Variants in CEP112 observed in about 807,000 individuals in gnomAD.
CEP112 encodes the protein centrosomal protein 112, also known as centrosomal protein of 112 kDa.
A neutral mutation model predicts 153.0 loss-of-function variants in CEP112; 127 were observed. The observed-to-expected ratio is 0.83, with a 90% confidence interval of 0.72 to 0.96. The LOEUF is 0.96. CEP112 is among the 40% of genes least tolerant of loss of function. CEP112 has a pLI of 0.00. For missense variants in CEP112, 1,089 were observed against 1,101.2 expected, an observed-to-expected ratio of 0.99 and a Z score of 0.16; for synonymous variants, 358 against 374.4, an observed-to-expected ratio of 0.96 and a Z score of 0.51.
chr17:65,759,528 T>C (rs973531020), intron 21 of CEP112, among the ~76,000 whole-genome samples: 12 of 152,152 alleles, frequency 7.9e-5, no homozygotes, highest in Non-Finnish European at 1.6e-4. Context: ...TTACAAAACA[T>C]TCAAACTTGA....
At chr17:66,095,117 T>C (rs1014558969) in intron 8 of CEP112, among the ~76,000 whole-genome samples, 7 of 152,092 alleles carry the variant, frequency 4.6e-5, no homozygotes, top group Non-Finnish European at 7.4e-5. Flanking sequence ...AAAATAGAAC[T>C]ACTACATGAT....
At chr17:66,128,420 C>T (rs1313544181) in intron 6 of CEP112, among the ~76,000 whole-genome samples, 1 of 151,936 alleles carries the variant, frequency 6.6e-6, no homozygotes, top group Non-Finnish European at 1.5e-5. Context: ...CATAATCCCA[C>T]CAAGTCAATT....
At chr17:66,128,950 T>C (rs987938753) in intron 6 of CEP112, among the ~76,000 whole-genome samples, 8 of 152,306 alleles carry the variant, frequency 5.3e-5, no homozygotes, top group South Asian at 4.1e-4. Flanking sequence ...CAGGTCTCTG[T>C]TGATTTTTAT....
chr17:66,092,883 A>G (rs1481389417), intron 8 of CEP112, among the ~76,000 whole-genome samples: 1 of 152,246 alleles, frequency 6.6e-6, no homozygotes, highest in Non-Finnish European at 1.5e-5. Context: ...AATAAAGGCC[A>G]TACATGAAAA....
chr17:66,069,865 A>G (rs2067247788), intron 9 of CEP112, 50 bp downstream of exon 9: 1 of 1,034,516 alleles, frequency 9.7e-7, no homozygotes, highest in East Asian at 2.5e-5. Flanking sequence ...CATAAAACCT[A>G]GAATATTTTT....
intron 12 of CEP112, chr17:66,043,057 G>C: frequency 1.0e-6 from 1 of 974,496 alleles, no homozygotes; most frequent in Non-Finnish European, 1.2e-6. Flanking sequence ...AGATGTCTAA[G>C]GCTTTTGGCA....
chr17:65,696,316 C>T (rs2144513955), intron 23 of CEP112, among the ~76,000 whole-genome samples: 1 of 152,326 alleles, frequency 6.6e-6, no homozygotes, highest in South Asian at 2.1e-4. Flanking sequence ...TGGGCCTGCC[C>T]TGCATGATGG....
intron 18 of CEP112, among the ~76,000 whole-genome samples, chr17:65,935,769 A>G (rs929372370): frequency 6.6e-6 from 1 of 152,042 alleles, no homozygotes; most frequent in Non-Finnish European, 1.5e-5. Context: ...GGAGTCCTAC[A>G]AGGGAAATTA....
At chr17:66,029,017 AAGAG>A in intron 14 of CEP112, 102 bp downstream of exon 14, 1 of 874,464 alleles carries the variant, frequency 1.1e-6, no homozygotes, top group Non-Finnish European at 1.7e-6. Context: ...AATAAAGTGA[AAGAG>A]AGATTAATTT....
chr17:65,938,227 C>T (rs1231153340), intron 18 of CEP112, among the ~76,000 whole-genome samples: 1 of 138,742 alleles, frequency 7.2e-6, no homozygotes, highest in African/African-American at 2.6e-5. Context: ...CAGCATGCTC[C>T]CTAAGAGTCA....
At chr17:65,752,033 TCCA>T (rs1157297865) in intron 21 of CEP112, among the ~76,000 whole-genome samples, 2 of 149,960 alleles carry the variant, frequency 1.3e-5, no homozygotes, top group Non-Finnish European at 2.9e-5. Flanking sequence ...CATCCATCCA[TCCA>T]TCCATCCATC....
intron 21 of CEP112, among the ~76,000 whole-genome samples, chr17:65,823,848 A>T (rs771230215): frequency 6.6e-6 from 1 of 152,216 alleles, no homozygotes; most frequent in Non-Finnish European, 1.5e-5. Context: ...CAGATGACAA[A>T]ATATACACAG....
intron 21 of CEP112, among the ~76,000 whole-genome samples, chr17:65,760,386 A>C (rs1331498955): frequency 6.6e-6 from 1 of 152,138 alleles, no homozygotes; most frequent in Non-Finnish European, 1.5e-5. Context: ...GTTCAATGTT[A>C]GCTGTAGGTT....
At chr17:65,701,886 C>CTGTTT (rs2048650134) in intron 23 of CEP112, among the ~76,000 whole-genome samples, 1 of 129,094 alleles carries the variant, frequency 7.7e-6, no homozygotes, top group African/African-American at 2.8e-5. Context: ...CCTTCAACTT[C>CTGTTT]TTTTTTTTTT....
rs1407772517 is a variant in CEP112, at chr17:66,029,883, T to C, written c.1359A>G (p.Gln453=). The change falls in exon 13 of 27, where the codon CAA becomes CAG. Residue 453 remains glutamine (Q), a synonymous_variant. Transcript: ENST00000535342. ...TCAGACAATACCTTGCCTTTACTTC[T>C]TGTAATTCACTACACGTTATCTGGT... ...RCYQITCSEL[Q]EVKARRNTLH... is the part of the protein sequence containing the mutation. 6 of 1,613,530 alleles carry C rather than the reference T, an allele frequency of 3.7e-6. No individual in the cohort carries two copies. Among genetic ancestry groups the C allele is most frequent in the Non-Finnish European group, 3.4e-6 (4 of 1,179,692 alleles).
intron 8 of CEP112, among the ~76,000 whole-genome samples, chr17:66,092,981 ACTT>A (rs924064714): frequency 2.0e-5 from 3 of 152,152 alleles, no homozygotes; most frequent in African/African-American, 4.8e-5. Flanking sequence ...CACTCTCACT[ACTT>A]CTTTTCAACA....
chr17:66,143,182 C>A (rs942414822), intron 4 of CEP112, among the ~76,000 whole-genome samples: 5 of 152,112 alleles, frequency 3.3e-5, no homozygotes, highest in African/African-American at 1.2e-4. Flanking sequence ...AGATTTCAAG[C>A]AGGGTCCAGA....
chr17:65,867,334 C>T (rs908421790), intron 20 of CEP112, among the ~76,000 whole-genome samples: 1 of 152,180 alleles, frequency 6.6e-6, no homozygotes, highest in Non-Finnish European at 1.5e-5. Flanking sequence ...CACAGCCTGC[C>T]AGGCCAAGTG....
intron 24 of CEP112, among the ~76,000 whole-genome samples, chr17:65,645,009 T>G (rs188580230): frequency 1.3e-3 from 194 of 152,284 alleles, no homozygotes; most frequent in African/African-American, 4.3e-3. Context: ...ACTAATTATT[T>G]TATATTAATT....
Sources: gnomAD v4.1 joint callset for allele counts (sites outside exome capture counted in the v4.1 genomes callset) on GRCh38, gnomAD v4.1.1 for gene constraint, MANE v1.5 for transcripts, NCBI Gene and HGNC (gene_info 2026-07-23, HGNC 2026-07-21) for gene names.